DPH6: variants seen among roughly 807,000 people sequenced by gnomAD.
The protein encoded by DPH6 is diphthine--ammonia ligase.
DPH6 carries 33 observed loss-of-function variants against 38.2 expected under a neutral mutation model. The observed-to-expected ratio is 0.86, with a 90% CI of 0.65 to 1.15. The LOEUF is 1.15. DPH6 is among the 50% of genes most tolerant of loss of function. DPH6 has a pLI of 0.00. For missense variants in DPH6, 325 were observed against 320.0 expected, an observed-to-expected ratio of 1.02 and a Z score of -0.12; for synonymous variants, 108 against 103.0, an observed-to-expected ratio of 1.05 and a Z score of -0.30.
intron 5 of DPH6, among the ~76,000 whole-genome samples, chr15:35,440,344 G>C (rs2053771313): frequency 6.6e-6 from 1 of 152,112 alleles, no homozygotes; most frequent in Non-Finnish European, 1.5e-5. Flanking sequence ...CAACAGCCTT[G>C]GGATTTAAAA....
At chr15:35,410,917 T>G in intron 5 of DPH6, 21 bp from the exon 6 acceptor site, 2 of 1,596,824 alleles carry the variant, frequency 1.3e-6, no homozygotes, top group Non-Finnish European at 1.7e-6. Context: ...AGGTTACATT[T>G]TTTAAAGATA....
At chr15:35,357,247 T>C (rs1019681554) in intron 3 of DPH6, among the ~76,000 whole-genome samples, 1 of 152,236 alleles carries the variant, frequency 6.6e-6, no homozygotes, top group Non-Finnish European at 1.5e-5. Context: ...AGGCGATGCC[T>C]CGCCCTGCTT....
intron 5 of DPH6, among the ~76,000 whole-genome samples, chr15:35,419,038 A>G (rs1452376603): frequency 6.7e-6 from 1 of 150,052 alleles, no homozygotes; most frequent in Non-Finnish European, 1.5e-5. Flanking sequence ...TGAATACCTC[A>G]TGTACCTTTC....
intron 6 of DPH6, chr15:35,401,507 G>C: frequency 1.3e-6 from 1 of 769,972 alleles, no homozygotes; most frequent in Non-Finnish European, 2.4e-6. Context: ...AGGAGTGACA[G>C]CTATGACAGC....
intron 6 of DPH6, among the ~76,000 whole-genome samples, chr15:35,404,042 G>A (rs1019618307): frequency 6.6e-6 from 1 of 152,044 alleles, no homozygotes; most frequent in Non-Finnish European, 1.5e-5. Context: ...CCATGTTGCT[G>A]CAAATGACAG....
At chr15:35,424,195 T>C (rs1264280116) in intron 5 of DPH6, among the ~76,000 whole-genome samples, 2 of 151,414 alleles carry the variant, frequency 1.3e-5, no homozygotes, top group Non-Finnish European at 3.0e-5. Flanking sequence ...TCCAAGAATA[T>C]GGCTGTATTT....
At chr15:35,401,444 G>T (rs1238508364) in intron 6 of DPH6, 18 of 774,848 alleles carry the variant, frequency 2.3e-5, no homozygotes, top group Non-Finnish European at 4.3e-5. Context: ...GGAGGAAGCA[G>T]GGGCTATGGA....
At chr15:35,369,708 T>A (rs1007121151), downstream of DPH6, among the ~76,000 whole-genome samples, 2 of 150,086 alleles carry the variant, frequency 1.3e-5, no homozygotes, top group South Asian at 2.1e-4. Context: ...AAAAAAGGTG[T>A]CTAAACAAAA....
chr15:35,329,829 T>G (rs2052313307), downstream of DPH6, among the ~76,000 whole-genome samples: 1 of 152,210 alleles, frequency 6.6e-6, no homozygotes, highest in South Asian at 2.1e-4. Context: ...TGCCAGAAAT[T>G]GAAAACAATA....
At chr15:35,298,455 A>AT in intron 3 of DPH6, 1 of 761,550 alleles carries the variant, frequency 1.3e-6, no homozygotes, top group Admixed American at 1.7e-5. Context: ...ACTTTGAGAT[A>AT]TTTTTCACGT....
the DPH6 span, among the ~76,000 whole-genome samples, chr15:35,187,347 A>G: frequency 9.3e-4 from 142 of 152,336 alleles, no homozygotes; most frequent in African/African-American, 3.3e-3. Flanking sequence ...ATGATGGTAT[A>G]ATTTTTAGTA....
chr15:35,399,039 CA>C (rs1366418010), intron 6 of DPH6, among the ~76,000 whole-genome samples: 2 of 152,154 alleles, frequency 1.3e-5, no homozygotes, highest in African/African-American at 4.8e-5. Flanking sequence ...TGCTTACAAT[CA>C]AATTCTTAGG....
At chr15:35,408,137 C>T (rs2053319306) in intron 6 of DPH6, among the ~76,000 whole-genome samples, 1 of 151,888 alleles carries the variant, frequency 6.6e-6, no homozygotes, top group Non-Finnish European at 1.5e-5. Flanking sequence ...TTCGGAAATA[C>T]AGCAGACAAG....
chr15:35,255,408 C>A (rs1379359827), intron 3 of DPH6, among the ~76,000 whole-genome samples: 1 of 152,084 alleles, frequency 6.6e-6, no homozygotes, highest in South Asian at 2.1e-4. Flanking sequence ...CTATTTCTAA[C>A]CAAAGTCTCA....
chr15:35,169,554 C>G, the DPH6 span: 17 of 152,136 alleles, frequency 1.1e-4, no homozygotes, highest in African/African-American at 4.1e-4. Flanking sequence ...CCTATTTTCT[C>G]TTTCTTGCAG....
rs1595506482 is a variant in DPH6 at position 35,372,046 on chromosome 15, A to G, written c.*104T>C. ...GAAAGTATGTTTCTCTAAAAAAATA[A>G]GAGTCATGAGAAAAAAATAAACTAG... On this transcript the variant is annotated 3_prime_UTR_variant, in exon 9 of 9. Coordinates refer to ENST00000256538, the MANE Select transcript of DPH6 (RefSeq NM_080650.4). 6.9e-7 allele frequency: 1 copy of G among 1,440,856 alleles called. No individual in the cohort carries two copies. The highest frequency in any genetic ancestry group is 9.1e-7 in the Non-Finnish European group (1 of 1,101,046). The allele number at this position is 1,440,856 out of a possible 1,614,324, so 89.3% of individuals were successfully genotyped here.
intron 3 of DPH6, among the ~76,000 whole-genome samples, chr15:35,478,706 C>A (rs1182755614): frequency 2.0e-5 from 3 of 151,848 alleles, no homozygotes; most frequent in Non-Finnish European, 2.9e-5. Context: ...GAAAGGAGAT[C>A]ATTTTTAACC....
chr15:35,353,340 A>G (rs566165764), intron 3 of DPH6, among the ~76,000 whole-genome samples: 142 of 152,334 alleles, frequency 9.3e-4, no homozygotes, highest in Middle Eastern at 3.4e-3. Context: ...TGTTTTAGAC[A>G]TGAAGTCCTT....
At chr15:35,412,068 A>C in intron 5 of DPH6, among the ~76,000 whole-genome samples, 1 of 151,728 alleles carries the variant, frequency 6.6e-6, no homozygotes. Context: ...AGTAAGAATA[A>C]AAGCCACAGA....
Sources: gnomAD v4.1 joint callset for allele counts (sites outside exome capture counted in the v4.1 genomes callset) on GRCh38, gnomAD v4.1.1 for gene constraint, MANE v1.5 for transcripts, NCBI Gene and HGNC (gene_info 2026-07-23, HGNC 2026-07-21) for gene names.